Variants in GRIN2B observed in about 807,000 individuals in gnomAD.
GRIN2B encodes the protein glutamate ionotropic receptor NMDA type subunit 2B, also known as glutamate receptor ionotropic, NMDA 2B.
GRIN2B carries 5 observed loss-of-function variants against 114.5 expected under a neutral mutation model. The ratio of observed to expected loss-of-function variants is 0.04; its 90% CI spans 0.02 to 0.09. GRIN2B has a LOEUF of 0.09. Ranked by LOEUF, GRIN2B falls within the 10% of genes least tolerant of loss-of-function variation. The probability of loss-of-function intolerance (pLI) is 1.00; values close to 1 mark genes in which losing one functional copy is unlikely to be tolerated. For synonymous variants in GRIN2B, 787 were observed against 745.1 expected, an observed-to-expected ratio of 1.06 and a Z score of -0.92; for missense variants, 1,108 against 1,943.5, an observed-to-expected ratio of 0.57 and a Z score of 8.08.
intron 5 of GRIN2B, among the ~76,000 whole-genome samples, chr12:13,628,265 A>C (rs1164488665): frequency 6.6e-6 from 1 of 152,176 alleles, no homozygotes; most frequent in African/African-American, 2.4e-5. Flanking sequence ...CACTGAGTGG[A>C]AACAGCGCCA....
At chr12:13,698,783 A>T (rs2136566041) in intron 4 of GRIN2B, among the ~76,000 whole-genome samples, 1 of 152,240 alleles carries the variant, frequency 6.6e-6, no homozygotes, top group African/African-American at 2.4e-5. Context: ...CCTGGGTTCA[A>T]GTAACTATCC....
chr12:13,748,207 A>G (rs1863422005), intron 4 of GRIN2B, among the ~76,000 whole-genome samples: 1 of 152,226 alleles, frequency 6.6e-6, no homozygotes, highest in Admixed American at 6.5e-5. Context: ...TAATTAGGCA[A>G]GATTCATAAG....
rs551932918 is a variant in GRIN2B, at chr12:13,746,055, A to G, written c.1010+7262T>C. ...AAAATTTTTTAAATATAATTTATAC[A>G]GTATATCAGATATGTGCTATGTCAA... is the stretch of plus-strand genomic sequence containing the variant. On this transcript the variant is annotated intron_variant, in intron 4 of 13. Transcript: ENST00000609686. 4.0e-5 allele frequency among the ~76,000 whole-genome samples: 6 copies of G among 151,558 alleles called. No individual in the cohort carries two copies. The East Asian group carries it at 1.2e-3, about 29-fold the overall frequency.
intron 2 of GRIN2B, among the ~76,000 whole-genome samples, chr12:13,947,648 T>C (rs1867386207): frequency 6.6e-6 from 1 of 152,238 alleles, no homozygotes; most frequent in South Asian, 2.1e-4. Context: ...TTTTCAATAA[T>C]CTGTTCCATC....
chr12:13,893,090 T>TAAA (rs1866290515), intron 2 of GRIN2B, among the ~76,000 whole-genome samples: 1 of 152,170 alleles, frequency 6.6e-6, no homozygotes, highest in Non-Finnish European at 1.5e-5. Flanking sequence ...TTGCTTAGCA[T>TAAA]TGATCAATGA....
chr12:13,738,010 A>G (rs1358590809), intron 4 of GRIN2B, among the ~76,000 whole-genome samples: 1 of 152,184 alleles, frequency 6.6e-6, no homozygotes, highest in Non-Finnish European at 1.5e-5. Flanking sequence ...AACCACAAAA[A>G]TGCCACACAT....
chr12:13,894,488 T>C (rs1050131517), intron 2 of GRIN2B, among the ~76,000 whole-genome samples: 5 of 152,106 alleles, frequency 3.3e-5, no homozygotes, highest in Admixed American at 6.6e-5. Flanking sequence ...CAAAAAACGG[T>C]GTGATTTCAT....
intron 4 of GRIN2B, among the ~76,000 whole-genome samples, chr12:13,681,770 T>C (rs541774727): frequency 1.3e-5 from 2 of 152,318 alleles, no homozygotes; most frequent in East Asian, 1.9e-4. Context: ...AAAAGATTAC[T>C]CTAGTGAAGC....
intron 4 of GRIN2B, among the ~76,000 whole-genome samples, chr12:13,698,722 A>G (rs1438898495): frequency 6.6e-6 from 1 of 152,210 alleles, no homozygotes; most frequent in Non-Finnish European, 1.5e-5. Context: ...TCTCTCTGTC[A>G]CCCATGCTGC....
intron 4 of GRIN2B, among the ~76,000 whole-genome samples, chr12:13,684,074 C>T (rs1468583095): frequency 1.3e-5 from 2 of 152,118 alleles, no homozygotes; most frequent in Non-Finnish European, 2.9e-5. Context: ...ACATCCAAAA[C>T]TATTAAGGCT....
intron 3 of GRIN2B, among the ~76,000 whole-genome samples, chr12:13,850,000 G>A (rs1467122190): frequency 6.6e-6 from 1 of 152,102 alleles, no homozygotes; most frequent in East Asian, 1.9e-4. Flanking sequence ...ATTATCCTGG[G>A]AAAATAATAG....
intron 10 of GRIN2B, among the ~76,000 whole-genome samples, chr12:13,587,957 G>A (rs1336363695): frequency 2.0e-5 from 3 of 152,162 alleles, no homozygotes; most frequent in Non-Finnish European, 2.9e-5. Flanking sequence ...GGCAAAAACC[G>A]CGATTACTTT....
rs1948341065 is a variant in GRIN2B at position 13,546,290 on chromosome 12, G to T, written c.*16493C>A. Reference sequence around the variant, plus strand: ...TGGAGAGGGGCTGCCCTAAAGGTTTGTAGACAAGGTTTTGAAGAATCGAGC... The same window carrying T: ...TGGAGAGGGGCTGCCCTAAAGGTTTTTAGACAAGGTTTTGAAGAATCGAGC... On this transcript the variant is annotated 3_prime_UTR_variant, in exon 14 of 14. Coordinates refer to ENST00000609686, the MANE Select transcript of GRIN2B (RefSeq NM_000834.5). The T allele has an allele frequency of 6.6e-6, 1 of 152,198 alleles. No homozygotes were observed. Among genetic ancestry groups the T allele is most frequent in the Admixed American group, 6.5e-5 (1 of 15,280 alleles). The allele number at this position is 152,198 out of a possible 1,614,324, so 9.4% of individuals were successfully genotyped here.
At chr12:13,910,734 G>C (rs1195611265) in intron 2 of GRIN2B, among the ~76,000 whole-genome samples, 1 of 152,170 alleles carries the variant, frequency 6.6e-6, no homozygotes, top group African/African-American at 2.4e-5. Flanking sequence ...GATTCCTGCA[G>C]CTCTGAGGAT....
intron 3 of GRIN2B, among the ~76,000 whole-genome samples, chr12:13,798,945 A>G (rs1864461266): frequency 6.6e-6 from 1 of 152,156 alleles, no homozygotes; most frequent in Non-Finnish European, 1.5e-5. Context: ...ATTTCCCACA[A>G]CCACTAGTAT....
At chr12:13,717,639 C>A (rs1336216581) in intron 4 of GRIN2B, among the ~76,000 whole-genome samples, 1 of 151,942 alleles carries the variant, frequency 6.6e-6, no homozygotes, top group Non-Finnish European at 1.5e-5. Flanking sequence ...CAAGAACTCA[C>A]AAAATCATAA....
intron 8 of GRIN2B, among the ~76,000 whole-genome samples, chr12:13,614,398 G>A (rs1949408539): frequency 1.3e-5 from 2 of 152,142 alleles, no homozygotes; most frequent in South Asian, 2.1e-4. Context: ...CTGTTTTCAA[G>A]GTGACGTTTT....
chr12:13,685,768 C>T (rs1016293631), intron 4 of GRIN2B, among the ~76,000 whole-genome samples: 3 of 152,022 alleles, frequency 2.0e-5, no homozygotes, highest in African/African-American at 7.2e-5. Context: ...CAAGGAAAGA[C>T]CAGAGTAATG....
At chr12:13,656,839 A>G (rs184042027) in intron 5 of GRIN2B, among the ~76,000 whole-genome samples, 1 of 152,362 alleles carries the variant, frequency 6.6e-6, no homozygotes, top group Admixed American at 6.5e-5. Flanking sequence ...TAGATGGACC[A>G]TAAGAATTTA....
Sources: allele counts gnomAD v4.1 joint callset (sites outside exome capture counted in the v4.1 genomes callset), GRCh38; gene constraint gnomAD v4.1.1; transcripts MANE v1.5; gene names NCBI Gene and HGNC (gene_info 2026-07-23, HGNC 2026-07-21).